NUSAP1: variants seen among roughly 807,000 people sequenced by gnomAD.
NUSAP1 encodes nucleolar and spindle-associated protein 1.
Under a neutral mutation model 52.8 loss-of-function variants are expected in NUSAP1, and 32 were observed. That is an observed-to-expected ratio of 0.61 (90% CI 0.46 to 0.81). The LOEUF (loss-of-function observed/expected upper bound fraction) is 0.81. Among genes scored for constraint, NUSAP1 ranks in the 40% least tolerant of loss-of-function variants. The probability of loss-of-function intolerance (pLI) is 0.00; values close to 1 mark genes in which losing one functional copy is unlikely to be tolerated. For synonymous variants in NUSAP1, 195 were observed against 183.1 expected (o/e 1.06, Z -0.52); for missense variants, 499 against 522.3 (o/e 0.96, Z 0.43).
rs138767621 is a variant in NUSAP1 at position 41,345,647 on chromosome 15, C to T, written c.162+3193C>T. The T allele has an allele frequency of 3.8e-5, 10 of 264,264 alleles. No individual in the cohort carries two copies. In the East Asian group the frequency reaches 1.1e-3, roughly 29 times the overall value. The allele number at this position is 264,264 out of a possible 1,614,324, so 16.4% of individuals were successfully genotyped here. On this transcript the variant is annotated intron_variant, in intron 2 of 10. Transcript: ENST00000559596. ...GATAATTGTGTATTTTTAGTAGAGA[C>T]GGGGTTTCACATGTTTGTCAGGCTG...
chr15:41,370,704 C>G lies in NUSAP1; in HGVS notation c.849-823C>G, dbSNP rs1280801585. ...GGCAGAGGTTGCAGTGACCCAACAT[C>G]GCACCATTGCACTCCAGCCTGGGCG... On this transcript the variant is annotated intron_variant, in intron 7 of 10. Coordinates refer to ENST00000559596, the MANE Select transcript of NUSAP1 (RefSeq NM_016359.5). Among the ~76,000 whole-genome samples, 5 of 148,170 alleles carry G rather than the reference C, an allele frequency of 3.4e-5. No individual in the cohort carries two copies. In the South Asian group the frequency reaches 6.4e-4, roughly 19 times the overall value.
chr15:41,349,309 T>A, intron 3 of NUSAP1, 68 bp downstream of exon 3: 1 of 1,450,142 alleles, frequency 6.9e-7, no homozygotes, highest in Non-Finnish European at 9.5e-7. Context: ...TATGGAGATT[T>A]CTTTTTAAAT....
At chr15:41,375,174 AT>A (rs56152606) in intron 8 of NUSAP1, among the ~76,000 whole-genome samples, 29,449 of 127,804 alleles carry the variant, frequency 0.23, 3,326 homozygotes, top group Non-Finnish European at 0.26. Flanking sequence ...CGCCCAGCTA[AT>A]TTTTTTTTTT....
At chr15:41,337,988 A>G (rs550792182) in intron 1 of NUSAP1, among the ~76,000 whole-genome samples, 3 of 131,434 alleles carry the variant, frequency 2.3e-5, no homozygotes, top group Admixed American at 1.8e-4. Flanking sequence ...GCTAGAGTGC[A>G]GTGGCGCAAT....
At chr15:41,348,640 TTTGC>T (rs1373728139) in intron 2 of NUSAP1, among the ~76,000 whole-genome samples, 2 of 152,138 alleles carry the variant, frequency 1.3e-5, no homozygotes, top group Non-Finnish European at 2.9e-5. Flanking sequence ...TGTTTGTTTG[TTTGC>T]TTGTTTGTTT....
intron 10 of NUSAP1, among the ~76,000 whole-genome samples, chr15:41,378,944 G>GGTTTTTTTTTTTTTTTT (rs1253258207): frequency 6.3e-5 from 4 of 63,270 alleles, no homozygotes; most frequent in African/African-American, 2.1e-4. Flanking sequence ...ACTTATCTTG[G>GGTTTTTTTTTTTTTTTT]TTTTTTTTTT....
chr15:41,377,802 C>T (rs776167049), intron 10 of NUSAP1, among the ~76,000 whole-genome samples: 7 of 150,542 alleles, frequency 4.6e-5, no homozygotes, highest in Middle Eastern at 3.4e-3. Context: ...CAGATCGAGA[C>T]CATCCTGGCT....
At chr15:41,353,422 G>A (rs1410073785) in intron 4 of NUSAP1, among the ~76,000 whole-genome samples, 1 of 152,136 alleles carries the variant, frequency 6.6e-6, no homozygotes, top group Non-Finnish European at 1.5e-5. Flanking sequence ...GATTACAGGC[G>A]TGAGCCACCA....
chr15:41,358,996 A>G (rs1368627759), intron 6 of NUSAP1, among the ~76,000 whole-genome samples: 1 of 152,166 alleles, frequency 6.6e-6, no homozygotes, highest in Non-Finnish European at 1.5e-5. Context: ...CTCCTCAAGT[A>G]AGAGAAGGTG....
At chr15:41,337,109 C>T (rs1319464406) in intron 1 of NUSAP1, among the ~76,000 whole-genome samples, 2 of 150,438 alleles carry the variant, frequency 1.3e-5, no homozygotes, top group African/African-American at 4.9e-5. Flanking sequence ...CTCAACCTCC[C>T]GGGCTCAAGC....
chr15:41,344,959 A>G (rs1024233029), intron 2 of NUSAP1, among the ~76,000 whole-genome samples: 1 of 151,962 alleles, frequency 6.6e-6, no homozygotes, highest in Non-Finnish European at 1.5e-5. Context: ...AGAAAAAAAA[A>G]CCACCGCACT....
chr15:41,357,825 C>A (rs1316126397), intron 5 of NUSAP1, among the ~76,000 whole-genome samples: 1 of 152,076 alleles, frequency 6.6e-6, no homozygotes, highest in Non-Finnish European at 1.5e-5. Flanking sequence ...ATATCAAATT[C>A]ATTATTAAAT....
In NUSAP1 at chr15:41,349,173, C is replaced by G; in HGVS notation, c.238C>G (p.Gln80Glu). 2.5e-6 allele frequency: 4 copies of G among 1,613,880 alleles called. No homozygotes were observed. Among genetic ancestry groups the G allele is most frequent in the Non-Finnish European group, 3.4e-6 (4 of 1,179,782 alleles). ...QISNQEEAERQPLGHVTKTRR... is the reference protein window; with the variant it reads ...QISNQEEAEREPLGHVTKTRR... ...CAGCAACCAGGAAGAAGCTGAGAGA[C>G]AGCCACTTGGCCATGTCACCAAAAC... Residue 80 changes from glutamine (Q) to glutamate (E), a missense_variant, in exon 3 of 11, where the codon CAG becomes GAG. Physicochemically the swap from Gln to Glu is conservative, Grantham distance 29. Coordinates refer to ENST00000559596, the MANE Select transcript of NUSAP1 (RefSeq NM_016359.5).
At chr15:41,356,245 T>C in intron 5 of NUSAP1, 105 bp downstream of exon 5, 1 of 712,012 alleles carries the variant, frequency 1.4e-6, no homozygotes, top group Non-Finnish European at 2.4e-6. Flanking sequence ...GTTTACATTC[T>C]AGTTCTCTCG....
At chr15:41,351,495 A>G (rs893976517) in intron 4 of NUSAP1, among the ~76,000 whole-genome samples, 3 of 152,194 alleles carry the variant, frequency 2.0e-5, no homozygotes, top group Admixed American at 6.5e-5. Context: ...ATTAGGATCC[A>G]CCCAAATAGG....
chr15:41,339,440 C>G (rs942322988), intron 1 of NUSAP1, among the ~76,000 whole-genome samples: 22 of 129,984 alleles, frequency 1.7e-4, no homozygotes, highest in African/African-American at 6.6e-4. Context: ...GACGGAGTTT[C>G]GCTGTTGTTG....
At chr15:41,378,323 G>A (rs145702275) in intron 10 of NUSAP1, among the ~76,000 whole-genome samples, 2,167 of 152,258 alleles carry the variant, frequency 0.014, 15 homozygotes, top group Non-Finnish European at 0.022. Flanking sequence ...AACCCAGGAC[G>A]GTCCTTAGAG....
At chr15:41,373,448 C>CTTTTTTTT (rs763340655) in intron 8 of NUSAP1, among the ~76,000 whole-genome samples, 1 of 117,296 alleles carries the variant, frequency 8.5e-6, no homozygotes, top group African/African-American at 3.3e-5. Flanking sequence ...AATTCATATT[C>CTTTTTTTT]TTTTTTTTTT....
intron 6 of NUSAP1, among the ~76,000 whole-genome samples, chr15:41,360,086 G>GTAGTTGGGATTACAGGTGCCC (rs1475100774): frequency 4.0e-5 from 6 of 151,344 alleles, no homozygotes; most frequent in African/African-American, 1.5e-4. Flanking sequence ...AGCCTCCCAA[G>GTAGTTGGGATTACAGGTGCCC]TAGTTGGGAT....
Sources: allele counts gnomAD v4.1 joint callset (sites outside exome capture counted in the v4.1 genomes callset), GRCh38; gene constraint gnomAD v4.1.1; transcripts MANE v1.5; gene names NCBI Gene and HGNC (gene_info 2026-07-23, HGNC 2026-07-21).